Variants in PLCB1 observed in about 807,000 individuals in gnomAD.
The protein encoded by PLCB1 is phospholipase C beta 1.
Under a neutral mutation model 161.8 loss-of-function variants are expected in PLCB1, and 46 were observed. The ratio of observed to expected loss-of-function variants is 0.28; its 90% CI spans 0.22 to 0.36. The LOEUF is 0.36. PLCB1 is among the 10% of genes least tolerant of loss of function. The probability of loss-of-function intolerance (pLI) is 1.00; values close to 1 mark genes in which losing one functional copy is unlikely to be tolerated. For synonymous variants in PLCB1, 517 were observed against 503.7 expected (o/e 1.03, Z -0.35); for missense variants, 1,016 against 1,472.5 (o/e 0.69, Z 5.07).
intron 3 of PLCB1, among the ~76,000 whole-genome samples, chr20:8,554,586 A>G (rs1985886756): frequency 6.6e-6 from 1 of 152,150 alleles, no homozygotes; most frequent in Non-Finnish European, 1.5e-5. Context: ...AAACCAGAAT[A>G]GTAGCTGATT....
intron 26 of PLCB1, among the ~76,000 whole-genome samples, chr20:8,768,804 T>C (rs1982512495): frequency 6.6e-6 from 1 of 152,200 alleles, no homozygotes; most frequent in South Asian, 2.1e-4. Flanking sequence ...CTGCTTCTGG[T>C]CCGTATACTT....
At chr20:8,482,382 G>A (rs536084076) in intron 3 of PLCB1, among the ~76,000 whole-genome samples, 31 of 152,168 alleles carry the variant, frequency 2.0e-4, no homozygotes, top group Admixed American at 9.2e-4. Context: ...GATTATAGGT[G>A]TGAGCCACCG....
chr20:8,707,932 T>C (rs1447552302), intron 11 of PLCB1, among the ~76,000 whole-genome samples: 1 of 152,182 alleles, frequency 6.6e-6, no homozygotes, highest in Non-Finnish European at 1.5e-5. Context: ...CAACCATATA[T>C]TGTATGGTTA....
chr20:8,662,341 T>G lies in PLCB1; in HGVS notation c.862+3637T>G, dbSNP rs1425344864. On this transcript the variant is annotated intron_variant, in intron 9 of 31. Transcript: ENST00000338037. ...TAATATGTAATTATTTATTATATAA[T>G]TATGTATAATATGTAATTATTTATT... Among the ~76,000 whole-genome samples the G allele has an allele frequency of 2.2e-3, 277 of 125,734 alleles. 1 individual carries two copies. The highest frequency in any genetic ancestry group is 8.3e-3 in the African/African-American group (262 of 31,620). 82.5% of individuals were successfully genotyped at this position (125,734 alleles called of 152,430 possible).
intron 3 of PLCB1, among the ~76,000 whole-genome samples, chr20:8,442,449 G>C (rs1980602237): frequency 6.6e-6 from 1 of 152,138 alleles, no homozygotes; most frequent in Admixed American, 6.6e-5. Context: ...TGAGAGAGGA[G>C]CCCTCATAAC....
At chr20:8,474,499 A>G (rs1055773280) in intron 3 of PLCB1, among the ~76,000 whole-genome samples, 14 of 152,132 alleles carry the variant, frequency 9.2e-5, no homozygotes, top group Non-Finnish European at 1.9e-4. Context: ...TTTAAAGATG[A>G]GCAAACATGA....
At chr20:8,541,562 GAGAA>G (rs11467115) in intron 3 of PLCB1, among the ~76,000 whole-genome samples, 2,426 of 114,416 alleles carry the variant, frequency 0.021, 36 homozygotes, top group East Asian at 0.075. Flanking sequence ...AAGGAAGAAA[GAGAA>G]AGAAAGAAAG....
chr20:8,513,350 C>G (rs1983972146), intron 3 of PLCB1, among the ~76,000 whole-genome samples: 1 of 152,294 alleles, frequency 6.6e-6, no homozygotes, highest in East Asian at 1.9e-4. Flanking sequence ...ATGAAGGGCA[C>G]ACACACACTC....
chr20:8,498,445 T>C (rs1432095453), intron 3 of PLCB1, among the ~76,000 whole-genome samples: 57 of 152,188 alleles, frequency 3.7e-4, no homozygotes, highest in Non-Finnish European at 1.5e-5. Flanking sequence ...AAATTGATAT[T>C]ATTTCTTTAC....
At chr20:8,727,877 T>A (rs1980023969) in intron 17 of PLCB1, among the ~76,000 whole-genome samples, 1 of 152,058 alleles carries the variant, frequency 6.6e-6, no homozygotes, top group African/African-American at 2.4e-5. Flanking sequence ...AATATAAATA[T>A]ACATTACTAA....
intron 2 of PLCB1, among the ~76,000 whole-genome samples, chr20:8,304,649 T>TGTGG (rs1190851355): frequency 6.6e-6 from 1 of 151,944 alleles, no homozygotes; most frequent in Admixed American, 6.6e-5. Flanking sequence ...TGTGTGTGTG[T>TGTGG]GTGGGTGTGT....
chr20:8,630,010 C>CTTTT (rs760712723), intron 4 of PLCB1, among the ~76,000 whole-genome samples: 2 of 60,596 alleles, frequency 3.3e-5, no homozygotes, highest in Non-Finnish European at 6.4e-5. Flanking sequence ...TTCTTTCTTT[C>CTTTT]TCTTTCTTCT....
At chr20:8,232,636 C>T (rs932483987) in intron 2 of PLCB1, among the ~76,000 whole-genome samples, 2 of 152,158 alleles carry the variant, frequency 1.3e-5, no homozygotes, top group African/African-American at 4.8e-5. Flanking sequence ...GCCTGATCCC[C>T]CACTTCGTGC....
chr20:8,663,838 C>CTCTT (rs1989745070), intron 9 of PLCB1, among the ~76,000 whole-genome samples: 1 of 152,088 alleles, frequency 6.6e-6, no homozygotes, highest in Non-Finnish European at 1.5e-5. Flanking sequence ...TATGCAATGA[C>CTCTT]CCCTGCCTCT....
intron 3 of PLCB1, among the ~76,000 whole-genome samples, chr20:8,454,930 C>A (rs1330849111): frequency 6.6e-6 from 1 of 151,950 alleles, no homozygotes; most frequent in Non-Finnish European, 1.5e-5. Context: ...ATGTCTTGAA[C>A]GTGGTCTGGT....
chr20:8,479,421 A>T (rs896920994), intron 3 of PLCB1, among the ~76,000 whole-genome samples: 2 of 152,242 alleles, frequency 1.3e-5, no homozygotes, highest in Non-Finnish European at 2.9e-5. Context: ...TTCATTCTAT[A>T]TGAGCTTTAA....
At chr20:8,710,270 A>G (rs1978925915) in intron 12 of PLCB1, among the ~76,000 whole-genome samples, 1 of 152,040 alleles carries the variant, frequency 6.6e-6, no homozygotes, top group African/African-American at 2.4e-5. Flanking sequence ...GGTGTCACAC[A>G]CTTTTAAACA....
intron 3 of PLCB1, among the ~76,000 whole-genome samples, chr20:8,538,343 C>G (rs1448468588): frequency 6.6e-6 from 1 of 152,134 alleles, no homozygotes; most frequent in Non-Finnish European, 1.5e-5. Context: ...GCACATTCCC[C>G]TTATATGGTA....
intron 3 of PLCB1, among the ~76,000 whole-genome samples, chr20:8,385,126 G>C (rs1987385754): frequency 6.6e-6 from 1 of 152,210 alleles, no homozygotes; most frequent in South Asian, 2.1e-4. Context: ...AGAACTACCA[G>C]GATGAAAGGC....
Sources: gnomAD v4.1 joint callset for allele counts (sites outside exome capture counted in the v4.1 genomes callset) on GRCh38, gnomAD v4.1.1 for gene constraint, MANE v1.5 for transcripts, NCBI Gene and HGNC (gene_info 2026-07-23, HGNC 2026-07-21) for gene names.